PCDH9: variants seen among roughly 807,000 people sequenced by gnomAD.
PCDH9 encodes protocadherin-9.
PCDH9 carries 24 observed loss-of-function variants against 70.6 expected under a neutral mutation model. The observed-to-expected ratio is 0.34, with a 90% confidence interval of 0.25 to 0.48. PCDH9 has a LOEUF of 0.48. Ranked by LOEUF, PCDH9 falls within the 20% of genes least tolerant of loss-of-function variation. PCDH9 has a pLI of 0.99. For missense variants in PCDH9, 1,281 were observed against 1,503.6 expected (o/e 0.85, Z 2.45); for synonymous variants, 562 against 558.5 (o/e 1.01, Z -0.09).
chr13:67,051,381 G>GTTTTT (rs1566390103), intron 2 of PCDH9, among the ~76,000 whole-genome samples: 1 of 87,728 alleles, frequency 1.1e-5, no homozygotes, highest in Non-Finnish European at 2.2e-5. Flanking sequence ...AACAATACAA[G>GTTTTT]ATTTTTTTTT....
intron 3 of PCDH9, among the ~76,000 whole-genome samples, chr13:66,876,351 T>A (rs959498646): frequency 2.6e-5 from 4 of 152,100 alleles, no homozygotes; most frequent in African/African-American, 9.7e-5. Context: ...TGATTAAGAA[T>A]GAAAGTATGG....
chr13:66,364,973 A>G lies in PCDH9; in HGVS notation c.3341-59945T>C, dbSNP rs115059312. On this transcript the variant is annotated intron_variant, in intron 4 of 4. Coordinates refer to ENST00000377865, the MANE Select transcript of PCDH9 (RefSeq NM_203487.3). ...TTTCTTACAAGCTCTTCCATTCCTT[A>G]ATTTCTGTGACATACATTTCAGAAA... Among the ~76,000 whole-genome samples the G allele has an allele frequency of 5.7e-3, 863 of 152,236 alleles. 9 individuals carry two copies. The highest frequency in any genetic ancestry group is 0.02 in the African/African-American group (812 of 41,542).
chr13:66,439,143 G>A (rs970935226), intron 4 of PCDH9, among the ~76,000 whole-genome samples: 1 of 152,072 alleles, frequency 6.6e-6, no homozygotes, highest in Non-Finnish European at 1.5e-5. Context: ...CTTCATCTTT[G>A]TTAACACTCC....
chr13:66,517,402 G>A (rs978844203), intron 4 of PCDH9, among the ~76,000 whole-genome samples: 2 of 152,094 alleles, frequency 1.3e-5, no homozygotes, highest in African/African-American at 4.8e-5. Context: ...ATAATTGTGA[G>A]ACTAAAAATA....
Position 66,304,554 on chromosome 13 carries a change from A to G in PCDH9, c.*101T>C. On this transcript the variant is annotated 3_prime_UTR_variant, in exon 5 of 5. Transcript: ENST00000377865. Reference sequence around the variant, plus strand: ...ACACAAAGTTATAGGTATCCCTGCTAGAAGGGGCATAGTTGTAGAGATCTA... The same window carrying G: ...ACACAAAGTTATAGGTATCCCTGCTGGAAGGGGCATAGTTGTAGAGATCTA... 1 of 896,898 alleles carries G rather than the reference A, an allele frequency of 1.1e-6. No individual in the cohort carries two copies. Among genetic ancestry groups the G allele is most frequent in the Non-Finnish European group, 1.8e-6 (1 of 570,814 alleles). The allele number at this position is 896,898 out of a possible 1,614,324, so 55.6% of individuals were successfully genotyped here.
At chr13:66,992,954 A>T (rs912379249) in intron 2 of PCDH9, among the ~76,000 whole-genome samples, 2 of 152,084 alleles carry the variant, frequency 1.3e-5, no homozygotes, top group African/African-American at 4.8e-5. Context: ...GTAAAATAGC[A>T]GCAAAGAAGA....
chr13:66,965,821 T>C (rs1379816705), intron 2 of PCDH9, among the ~76,000 whole-genome samples: 1 of 151,988 alleles, frequency 6.6e-6, no homozygotes, highest in Non-Finnish European at 1.5e-5. Context: ...AGTAATTGCA[T>C]TGAACATAAG....
At chr13:66,786,313 A>T (rs2080078915) in intron 3 of PCDH9, among the ~76,000 whole-genome samples, 1 of 152,144 alleles carries the variant, frequency 6.6e-6, no homozygotes, top group Non-Finnish European at 1.5e-5. Context: ...TGCCCTGATG[A>T]CCACCTCCAA....
intron 3 of PCDH9, among the ~76,000 whole-genome samples, chr13:66,784,533 AT>A (rs2080049913): frequency 6.6e-6 from 1 of 152,234 alleles, no homozygotes; most frequent in East Asian, 1.9e-4. Flanking sequence ...ATAATCCTCT[AT>A]ATGTCTTAAG....
chr13:66,787,186 A>T (rs1299981982), intron 3 of PCDH9, among the ~76,000 whole-genome samples: 1 of 152,160 alleles, frequency 6.6e-6, no homozygotes, highest in East Asian at 1.9e-4. Flanking sequence ...TGTGACTCCT[A>T]TCTCTTTAGA....
At chr13:67,136,491 C>T (rs1327182456) in intron 2 of PCDH9, among the ~76,000 whole-genome samples, 1 of 152,016 alleles carries the variant, frequency 6.6e-6, no homozygotes, top group East Asian at 1.9e-4. Flanking sequence ...TGCAGGTGGT[C>T]CTTTGAGTTT....
intron 3 of PCDH9, among the ~76,000 whole-genome samples, chr13:66,735,587 A>T (rs1188408779): frequency 1.3e-5 from 2 of 152,178 alleles, no homozygotes; most frequent in Admixed American, 1.3e-4. Flanking sequence ...AAGCAACAAA[A>T]TTAGAGTCAG....
chr13:66,535,889 A>G (rs1296137917), intron 4 of PCDH9, among the ~76,000 whole-genome samples: 2 of 152,088 alleles, frequency 1.3e-5, no homozygotes, highest in African/African-American at 4.8e-5. Flanking sequence ...TTGAGGGAGC[A>G]CTTCTCCCCA....
intron 3 of PCDH9, among the ~76,000 whole-genome samples, chr13:66,692,452 C>A (rs975781499): frequency 2.6e-5 from 4 of 151,888 alleles, no homozygotes; most frequent in Non-Finnish European, 5.9e-5. Flanking sequence ...CTACAGCTAT[C>A]GATTAAAGTT....
chr13:67,165,779 A>C (rs2088099538), intron 2 of PCDH9, among the ~76,000 whole-genome samples: 1 of 152,190 alleles, frequency 6.6e-6, no homozygotes, highest in South Asian at 2.1e-4. Flanking sequence ...TTAAAAATAC[A>C]AGTTTATTTC....
intron 2 of PCDH9, among the ~76,000 whole-genome samples, chr13:67,122,729 G>A (rs1215086563): frequency 1.3e-5 from 2 of 151,138 alleles, no homozygotes; most frequent in African/African-American, 2.4e-5. Context: ...AGCTGAGATC[G>A]CGCCACTGCA....
intron 2 of PCDH9, among the ~76,000 whole-genome samples, chr13:67,196,994 C>T (rs1019614475): frequency 6.6e-5 from 10 of 151,860 alleles, no homozygotes; most frequent in East Asian, 1.9e-4. Flanking sequence ...AGGTTGGAAA[C>T]GGGAAGTTGA....
intron 4 of PCDH9, among the ~76,000 whole-genome samples, chr13:66,479,628 C>G (rs935000336): frequency 6.7e-6 from 1 of 150,288 alleles, no homozygotes; most frequent in Non-Finnish European, 1.5e-5. Flanking sequence ...CACTCTGTGT[C>G]TAGCTAAAGG....
At chr13:66,863,315 G>A (rs1404737694) in intron 3 of PCDH9, among the ~76,000 whole-genome samples, 1 of 152,062 alleles carries the variant, frequency 6.6e-6, no homozygotes, top group Non-Finnish European at 1.5e-5. Flanking sequence ...TGATTGTGAG[G>A]ATTAATTGAG....
Sources: allele counts gnomAD v4.1 joint callset (sites outside exome capture counted in the v4.1 genomes callset), GRCh38; gene constraint gnomAD v4.1.1; transcripts MANE v1.5; gene names NCBI Gene and HGNC (gene_info 2026-07-23, HGNC 2026-07-21).